Variants in NDUFAF7 observed in about 807,000 individuals in gnomAD.
NDUFAF7 encodes the protein protein arginine methyltransferase NDUFAF7, mitochondrial.
A neutral mutation model predicts 47.2 loss-of-function variants in NDUFAF7; 48 were observed. The ratio of observed to expected loss-of-function variants is 1.02; its 90% CI spans 0.81 to 1.29. The LOEUF (loss-of-function observed/expected upper bound fraction) is 1.29, where lower values mean the gene tolerates loss of function less well. NDUFAF7 is among the 50% of genes most tolerant of loss of function. The probability of loss-of-function intolerance (pLI) is 0.00; values close to 1 mark genes in which losing one functional copy is unlikely to be tolerated. For synonymous variants in NDUFAF7, 217 were observed against 190.0 expected (o/e 1.14, Z -1.17); for missense variants, 635 against 537.6 (o/e 1.18, Z -1.79).
chr2:37,263,167 G>A, the NDUFAF7 span, among the ~76,000 whole-genome samples: 2 of 151,906 alleles, frequency 1.3e-5, no homozygotes, highest in African/African-American at 4.8e-5. Context: ...TAATATTTGA[G>A]GTTATAAAGC....
the NDUFAF7 span, among the ~76,000 whole-genome samples, chr2:37,266,953 T>A: frequency 1.3e-5 from 2 of 152,238 alleles, no homozygotes; most frequent in African/African-American, 4.8e-5. Flanking sequence ...AAATGCTAGA[T>A]GAAAAACACA....
the NDUFAF7 span, among the ~76,000 whole-genome samples, chr2:37,263,814 G>C: frequency 6.6e-6 from 1 of 152,230 alleles, no homozygotes; most frequent in East Asian, 1.9e-4. Flanking sequence ...AAATCTACAT[G>C]ATTTTATAGT....
chr2:37,238,060 G>A (rs1034076025), intron 4 of NDUFAF7, among the ~76,000 whole-genome samples, 193 bp downstream of exon 4: 1 of 152,042 alleles, frequency 6.6e-6, no homozygotes, highest in Non-Finnish European at 1.5e-5. Context: ...GGGAGGGGGA[G>A]AATATGAAAG....
At chr2:37,257,492 C>T (rs185704197), downstream of NDUFAF7, among the ~76,000 whole-genome samples, 909 of 151,856 alleles carry the variant, frequency 6.0e-3, 7 homozygotes, top group African/African-American at 0.021. Flanking sequence ...GGTGAAACCC[C>T]GTCTCTACTG....
At chr2:37,240,508 A>G (rs982386965) in intron 4 of NDUFAF7, among the ~76,000 whole-genome samples, 9 of 152,040 alleles carry the variant, frequency 5.9e-5, no homozygotes, top group African/African-American at 2.2e-4. Flanking sequence ...TAAAAAATAT[A>G]TAAAATATAT....
At chr2:37,235,231 T>C (rs1665629613) in intron 2 of NDUFAF7, among the ~76,000 whole-genome samples, 1 of 151,450 alleles carries the variant, frequency 6.6e-6, no homozygotes, top group South Asian at 2.1e-4. Context: ...TGCAGTGGCA[T>C]GGATGTCTGG....
At chr2:37,259,696 G>C in the NDUFAF7 span, 3 of 1,571,634 alleles carry the variant, frequency 1.9e-6, no homozygotes, top group Non-Finnish European at 8.7e-7. Context: ...TATGAAAAAA[G>C]ATTTTCTTTT....
At chr2:37,236,267 T>A in intron 3 of NDUFAF7, 91 bp downstream of exon 3, 2 of 1,138,048 alleles carry the variant, frequency 1.8e-6, no homozygotes, top group South Asian at 2.5e-5. Context: ...TCTACAGCTT[T>A]TTTTGTGATT....
At chr2:37,270,904 T>C in the NDUFAF7 span, among the ~76,000 whole-genome samples, 1 of 152,182 alleles carries the variant, frequency 6.6e-6, no homozygotes, top group Non-Finnish European at 1.5e-5. Flanking sequence ...TTTTCCCCCA[T>C]GACATGGATG....
At position 37,241,848 on chromosome 2, in the gene NDUFAF7, G is replaced by C. The variant is rs1666384708; in HGVS notation, c.622+57G>C. On this transcript the variant is annotated intron_variant, in intron 5 of 9. Transcript: ENST00000002125. ...TTTTGATCACAACCCTCACAGTATTGATGGGACTGTAACTTTTTACAGCAA... is the reference window on the plus strand; with the variant it reads ...TTTTGATCACAACCCTCACAGTATTCATGGGACTGTAACTTTTTACAGCAA... 1.0e-5 allele frequency: 15 copies of C among 1,479,714 alleles called. 1 individual carries two copies. The highest frequency in any genetic ancestry group is 6.9e-5 in the African/African-American group (5 of 72,412). The allele number at this position is 1,479,714 out of a possible 1,614,324, so 91.7% of individuals were successfully genotyped here.
chr2:37,250,224 G>C (rs1667370270), downstream of NDUFAF7, among the ~76,000 whole-genome samples: 1 of 151,974 alleles, frequency 6.6e-6, no homozygotes. Context: ...TCTCATTCTA[G>C]ATTCCTGTAT....
rs1284741477 is a variant in NDUFAF7 at position 37,241,623 on chromosome 2, G to A, written c.454G>A (p.Val152Ile). ...TGTGCTGAAAAATTGTGACATTTCA[G>A]TACATCTGGTAGAGGTAAGCCAAAA... Reference protein sequence around the residue: ...GSVLKNCDISVHLVEVSQKLS... With the variant: ...GSVLKNCDISIHLVEVSQKLS... Residue 152 changes from valine (V) to isoleucine (I), a missense_variant, in exon 5 of 10, where the codon GTA (valine) becomes ATA (isoleucine). Val to Ile is a conservative substitution (Grantham distance 29). Coordinates refer to ENST00000002125, the MANE Select transcript of NDUFAF7 (RefSeq NM_144736.5). 1 of 1,613,652 alleles carries A rather than the reference G, an allele frequency of 6.2e-7. No homozygotes were observed. The highest frequency in any genetic ancestry group is 2.2e-5 in the East Asian group (1 of 44,874).
chr2:37,256,670 G>T, downstream of NDUFAF7: 6 of 562,516 alleles, frequency 1.1e-5, no homozygotes, highest in South Asian at 3.0e-5. Flanking sequence ...ACCTTCACCA[G>T]AAATTTCTCT....
downstream of NDUFAF7, among the ~76,000 whole-genome samples, chr2:37,255,310 A>G (rs1477981159): frequency 5.0e-5 from 5 of 99,070 alleles, no homozygotes; most frequent in South Asian, 2.9e-4. Flanking sequence ...GTACTTTTGG[A>G]AAAACAAAAA....
chr2:37,251,892 G>C (rs1236484009), downstream of NDUFAF7: 1 of 150,282 alleles, frequency 6.7e-6, no homozygotes, highest in Non-Finnish European at 1.5e-5. Context: ...AAAAAAAAAA[G>C]GTTTACAATG....
downstream of NDUFAF7, chr2:37,252,847 T>TATATA (rs1667612720): frequency 6.9e-6 from 1 of 145,014 alleles, no homozygotes; most frequent in Non-Finnish European, 1.5e-5. Context: ...ATATTTATAT[T>TATATA]TATATATATA....
chr2:37,250,481 C>T (rs541490119), downstream of NDUFAF7: 1 of 152,052 alleles, frequency 6.6e-6, no homozygotes, highest in South Asian at 2.1e-4. Context: ...AGAAATGAGA[C>T]CTCCAGATAA....
downstream of NDUFAF7, chr2:37,251,642 C>T (rs1345256015): frequency 3.3e-5 from 5 of 150,808 alleles, no homozygotes; most frequent in South Asian, 2.1e-4. Flanking sequence ...ACCTCAAATT[C>T]GGTGGGCAAC....
chr2:37,266,882 G>GA, the NDUFAF7 span, among the ~76,000 whole-genome samples: 1 of 152,158 alleles, frequency 6.6e-6, no homozygotes, highest in African/African-American at 2.4e-5. Flanking sequence ...ATGATATTCA[G>GA]AAAGTGATCC....
Sources: gnomAD v4.1 joint callset for allele counts (sites outside exome capture counted in the v4.1 genomes callset) on GRCh38, gnomAD v4.1.1 for gene constraint, MANE v1.5 for transcripts, NCBI Gene and HGNC (gene_info 2026-07-23, HGNC 2026-07-21) for gene names.